VAMP1: variants seen among roughly 807,000 people sequenced by gnomAD.
The protein encoded by VAMP1 is vesicle-associated membrane protein 1.
VAMP1 carries 16 observed loss-of-function variants against 19.1 expected under a neutral mutation model. The observed-to-expected ratio is 0.84, with a 90% CI of 0.57 to 1.27. VAMP1 has a LOEUF of 1.27. Among genes scored for constraint, VAMP1 ranks in the 50% most tolerant of loss-of-function variants. VAMP1 has a pLI of 0.00. For missense variants in VAMP1, 109 were observed against 145.4 expected (o/e 0.75, Z 1.29); for synonymous variants, 37 against 50.2 (o/e 0.74, Z 1.11).
rs1389933497 is a variant in VAMP1 at position 6,470,672 on chromosome 12, C to G, written c.-141G>C. 1.9e-6 allele frequency: 2 copies of G among 1,064,260 alleles called. No individual in the cohort carries two copies. The allele number at this position is 1,064,260 out of a possible 1,614,324, so 65.9% of individuals were successfully genotyped here. ...ACCCCGCGGTCTAGCTGCGCTGGAA[C>G]TTACTGCAGCTGCCGCGCCGGCCTC... On this transcript the variant is annotated 5_prime_UTR_variant, in exon 1 of 5. Transcript: ENST00000396308.
Position 6,464,490 on chromosome 12 carries a change from G to A in VAMP1, c.341-4C>T. ...CATTCTCAAGTAAAAAAGTAGACTG[G>A]ACACAGGAATCAGGAAGTCCCAGAC... On this transcript the variant is annotated splice_region_variant and splice_polypyrimidine_tract_variant and intron_variant, in intron 4 of 4. Coordinates refer to ENST00000396308, the MANE Select transcript of VAMP1 (RefSeq NM_014231.5). 6.6e-7 allele frequency: 1 copy of A among 1,519,178 alleles called. No individual in the cohort carries two copies. Among genetic ancestry groups the A allele is most frequent in the South Asian group, 1.3e-5 (1 of 77,604 alleles). The allele number at this position is 1,519,178 out of a possible 1,614,324, so 94.1% of individuals were successfully genotyped here.
At chr12:6,465,024 C>T in intron 3 of VAMP1, 83 bp from the exon 4 acceptor site, 1 of 1,589,558 alleles carries the variant, frequency 6.3e-7, no homozygotes. Flanking sequence ...AACAGAATTC[C>T]TTCCATCCTT....
chr12:6,463,597 C>A lies in VAMP1; in HGVS notation c.*873G>T. ...ATTAAGCACTTGACTCACTGTTTCT[C>A]TATAACTAACAGGCAATCTCTCTCT... On this transcript the variant is annotated 3_prime_UTR_variant, in exon 5 of 5. Coordinates refer to ENST00000396308, the MANE Select transcript of VAMP1 (RefSeq NM_014231.5). This position sits in a 1 kb window ranked among gnomAD's most constrained non-coding sequence, Gnocchi z 4.0. 6 of 1,077,992 alleles carry A rather than the reference C, an allele frequency of 5.6e-6. No individual in the cohort carries two copies. Among genetic ancestry groups the A allele is most frequent in the Non-Finnish European group, 6.8e-6 (6 of 884,452 alleles). 66.8% of individuals were successfully genotyped at this position (1,077,992 alleles called of 1,614,324 possible).
intron 1 of VAMP1, among the ~76,000 whole-genome samples, chr12:6,470,324 G>GC (rs1324377001): frequency 1.3e-5 from 2 of 151,292 alleles, no homozygotes; most frequent in East Asian, 4.0e-4. Flanking sequence ...CCCCTGCCCC[G>GC]CCCGTGGGGT....
At chr12:6,465,289 C>T (rs573898164) in intron 3 of VAMP1, 1 of 389,714 alleles carries the variant, frequency 2.6e-6, no homozygotes, top group Non-Finnish European at 5.0e-6. Flanking sequence ...AGCTCATTCT[C>T]AAAAGTTGCA....
chr12:6,470,623 G>T lies in VAMP1; in HGVS notation c.-92C>A. 1.9e-6 allele frequency: 3 copies of T among 1,538,580 alleles called. No homozygotes were observed. Among genetic ancestry groups the T allele is most frequent in the Non-Finnish European group, 2.7e-6 (3 of 1,118,298 alleles). On this transcript the variant is annotated 5_prime_UTR_variant, in exon 1 of 5. Coordinates refer to ENST00000396308, the MANE Select transcript of VAMP1 (RefSeq NM_014231.5). ...CGCTGCGGCTGAAGTGGACGGAACT[G>T]CCAAGCTCCGCCTCGCGCCGACTAC...
chr12:6,467,940 G>A (rs964858577), intron 1 of VAMP1, among the ~76,000 whole-genome samples: 1 of 143,430 alleles, frequency 7.0e-6, no homozygotes, highest in Non-Finnish European at 1.6e-5. Flanking sequence ...ACTGAGGTTC[G>A]GGAACCTCCG....
chr12:6,470,220 G>A (rs1945735901), intron 1 of VAMP1, among the ~76,000 whole-genome samples: 1 of 149,742 alleles, frequency 6.7e-6, no homozygotes, highest in African/African-American at 2.4e-5. Flanking sequence ...ACCACCCCCA[G>A]CCCCCGCCCT....
At chr12:6,468,351 TGCCATAAGGGCAGCTTGGAAAA>T in intron 1 of VAMP1, among the ~76,000 whole-genome samples, 1 of 152,252 alleles carries the variant, frequency 6.6e-6, no homozygotes, top group African/African-American at 2.4e-5. Context: ...AAATCAGGGC[TGCCATAAGGGCAGCTTGGAAAA>T]TCACCAAAGG....
In VAMP1 at chr12:6,462,930, TG is replaced by T; in HGVS notation, c.*1539del. On this transcript the variant is annotated 3_prime_UTR_variant, in exon 5 of 5. Transcript: ENST00000396308. Reference sequence around the variant, plus strand: ...CAATGAAATGCTGCTGCATGGAAAGTGGGCATCCAGACCCTGCCCAGCATGG... The same window carrying T: ...CAATGAAATGCTGCTGCATGGAAAGTGGCATCCAGACCCTGCCCAGCATGG... 2 of 1,559,732 alleles carry T rather than the reference TG, an allele frequency of 1.3e-6. No homozygotes were observed. Among genetic ancestry groups the T allele is most frequent in the Non-Finnish European group, 1.7e-6 (2 of 1,151,526 alleles).
intron 3 of VAMP1, chr12:6,465,213 C>T (rs557901250): frequency 6.1e-6 from 3 of 490,434 alleles, no homozygotes; most frequent in Non-Finnish European, 1.1e-5. Context: ...CTTTAGAAGG[C>T]ATTCCAATAG....
At chr12:6,465,274 T>G (rs939818291) in intron 3 of VAMP1, 5 of 417,542 alleles carry the variant, frequency 1.2e-5, no homozygotes, top group East Asian at 8.0e-5. Context: ...CACTGTGAAG[T>G]GTTCAGCTCA....
In VAMP1 at chr12:6,464,408, A is replaced by G. The variant is rs1487109275; in HGVS notation, c.*62T>C. On this transcript the variant is annotated 3_prime_UTR_variant, in exon 5 of 5. Transcript: ENST00000396308. ...GGTGGGGAAGTGTGTTGAGAGAGCA[A>G]ACAGAGGGCAGAGGACATGAATGTG... The G allele has an allele frequency of 2.6e-6, 4 of 1,558,054 alleles. No homozygotes were observed. In the Admixed American group the frequency reaches 5.8e-5, roughly 23 times the overall value.
chr12:6,470,542 G>C lies in VAMP1; in HGVS notation c.-11C>G, dbSNP rs776545218. ...AGAGTCAACTCACATTTTTCTGACA[G>C]AGAGAGTGAGGGTCTGTTCCTCTCC... On this transcript the variant is annotated 5_prime_UTR_variant, in exon 1 of 5. Coordinates refer to ENST00000396308, the MANE Select transcript of VAMP1 (RefSeq NM_014231.5). The C allele has an allele frequency of 6.2e-7, 1 of 1,614,002 alleles. No individual in the cohort carries two copies. The highest frequency in any genetic ancestry group is 1.1e-5 in the South Asian group (1 of 91,072).
In VAMP1 at chr12:6,470,655, G is replaced by A. The variant is rs894432064; in HGVS notation, c.-124C>T. 1.5e-4 allele frequency: 194 copies of A among 1,292,350 alleles called. 1 individual carries two copies. The East Asian group carries it at 4.4e-3, about 29-fold the overall frequency. 80.1% of individuals were successfully genotyped at this position (1,292,350 alleles called of 1,614,324 possible). ...TCCGCCTCGCGCCGACTACCCCGCG[G>A]TCTAGCTGCGCTGGAACTTACTGCA... On this transcript the variant is annotated 5_prime_UTR_variant, in exon 1 of 5. Transcript: ENST00000396308.
chr12:6,466,254 G>A lies in VAMP1; in HGVS notation c.100C>T (p.Leu34=), dbSNP rs1950021534. The A allele has an allele frequency of 1.9e-6, 3 of 1,614,098 alleles. No individual in the cohort carries two copies. Among genetic ancestry groups the A allele is most frequent in the South Asian group, 1.1e-5 (1 of 91,082 alleles). Residue 34 remains leucine (L), a synonymous_variant, in exon 2 of 5, where the codon CTA becomes TTA. Coordinates refer to ENST00000396308, the MANE Select transcript of VAMP1 (RefSeq NM_014231.5). ...TCCACTTGTGCCTGGGTTTGCTGTA[G>A]TCGTCTGTTACTGGTCATGTTAGGA... ...PPPNMTSNRR[L]QQTQAQVEEV...
intron 4 of VAMP1, 93 bp from the exon 5 acceptor site, chr12:6,464,579 G>A: frequency 6.8e-7 from 1 of 1,463,682 alleles, no homozygotes; most frequent in Non-Finnish European, 9.0e-7. Context: ...AGACATTCAG[G>A]TCTCTCCATT....
In VAMP1 at chr12:6,463,410, G is replaced by A; in HGVS notation, c.*1060C>T. ...AGGAAGAACCACTTGCCTCATCCCT[G>A]TCTTTGGCAAGTGCACGGGTGGTGT... On this transcript the variant is annotated 3_prime_UTR_variant, in exon 5 of 5. Transcript: ENST00000396308. The surrounding 1 kb of genome is among the most constrained non-coding windows in gnomAD (Gnocchi z 4.0). The A allele has an allele frequency of 9.5e-7, 1 of 1,057,530 alleles. No individual in the cohort carries two copies. 65.5% of individuals were successfully genotyped at this position (1,057,530 alleles called of 1,614,324 possible).
chr12:6,470,390 C>A, intron 1 of VAMP1, 140 bp downstream of exon 1: 1 of 1,308,196 alleles, frequency 7.6e-7, no homozygotes. Context: ...GGGGGTGGCC[C>A]GGTCCGGAAG....
Sources: allele counts gnomAD v4.1 joint callset (sites outside exome capture counted in the v4.1 genomes callset), GRCh38; gene constraint gnomAD v4.1.1; non-coding constraint Gnocchi (gnomAD v3.1); transcripts MANE v1.5; gene names NCBI Gene and HGNC (gene_info 2026-07-23, HGNC 2026-07-21).